The following KANK1 variants were observed in gnomAD, a reference collection of about 807,000 sequenced individuals.
The protein encoded by KANK1 is KN motif and ankyrin repeat domains 1, also known as KN motif and ankyrin repeat domain-containing protein 1.
In KANK1, 109 loss-of-function variants were observed where a neutral mutation model predicts 106.2. The ratio of observed to expected loss-of-function variants is 1.03; its 90% CI spans 0.88 to 1.20. The LOEUF is 1.20. Ranked by LOEUF, KANK1 falls within the 50% of genes most tolerant of loss-of-function variation. The pLI, the probability that KANK1 is intolerant of heterozygous loss-of-function variation, is 0.00. For synonymous variants in KANK1, 873 were observed against 652.2 expected (o/e 1.34, Z -5.16); for missense variants, 2,399 against 1,710.7 (o/e 1.40, Z -7.10).
At chr9:732,312 G>T in intron 5 of KANK1, 66 bp from the exon 6 acceptor site, 1 of 1,538,386 alleles carries the variant, frequency 6.5e-7, no homozygotes, top group East Asian at 2.3e-5. Context: ...TCCCTTCATA[G>T]AAATTTCTAT....
chr9:712,880 A>C lies in KANK1; in HGVS notation c.2114A>C (p.Lys705Thr). 1 of 1,613,950 alleles carries C rather than the reference A, an allele frequency of 6.2e-7. No individual in the cohort carries two copies. The highest frequency in any genetic ancestry group is 1.7e-5 in the Admixed American group (1 of 59,994). ...CTNTCLSTLD[K>T]QTSTQTVETR... ...AACACTTGTCTAAGCACTTTGGACAAGCAGACCAGCACCCAGACTGTGGAG... is the reference window on the plus strand; with the variant it reads ...AACACTTGTCTAAGCACTTTGGACACGCAGACCAGCACCCAGACTGTGGAG... The change falls in exon 3 of 12, where the codon AAG (lysine) becomes ACG (threonine). Residue 705 changes from lysine to threonine, a missense_variant. Physicochemically the swap from Lys to Thr is moderately conservative, Grantham distance 78. Coordinates refer to ENST00000382297, the MANE Select transcript of KANK1 (RefSeq NM_015158.5).
At chr9:505,726 G>C (rs943932300) in intron 1 of KANK1, among the ~76,000 whole-genome samples, 2 of 152,206 alleles carry the variant, frequency 1.3e-5, no homozygotes, top group Non-Finnish European at 1.5e-5. Flanking sequence ...CTCTGCGGAG[G>C]GTCAGCCCAT....
At chr9:684,555 T>A in intron 2 of KANK1, 2 of 985,448 alleles carry the variant, frequency 2.0e-6, no homozygotes, top group Non-Finnish European at 1.2e-6. Flanking sequence ...GCTCTGCTCT[T>A]CCTCAGCAGA....
At chr9:527,558 C>T (rs985411226) in intron 1 of KANK1, among the ~76,000 whole-genome samples, 3 of 151,610 alleles carry the variant, frequency 2.0e-5, no homozygotes, top group Admixed American at 6.6e-5. Flanking sequence ...ACCTCTGCCT[C>T]GCAGAGTGCT....
intron 1 of KANK1, among the ~76,000 whole-genome samples, chr9:645,891 AAAAC>A (rs1722264815): frequency 6.6e-6 from 1 of 150,978 alleles, no homozygotes; most frequent in Non-Finnish European, 1.5e-5. Context: ...CTATACAACA[AAAAC>A]AAAGCATTAG....
intron 3 of KANK1, among the ~76,000 whole-genome samples, chr9:483,745 C>T (rs1377715978): frequency 6.6e-6 from 1 of 152,172 alleles, no homozygotes; most frequent in Non-Finnish European, 1.5e-5. Flanking sequence ...TCTACTCAGA[C>T]TTTCTGACAC....
chr9:642,728 T>G (rs1838759308), intron 1 of KANK1, among the ~76,000 whole-genome samples: 1 of 150,352 alleles, frequency 6.7e-6, no homozygotes, highest in Admixed American at 6.6e-5. Flanking sequence ...AATTAATTTC[T>G]CTCTCTGTCT....
At chr9:609,611 C>G (rs934763461) in intron 1 of KANK1, among the ~76,000 whole-genome samples, 3 of 152,086 alleles carry the variant, frequency 2.0e-5, no homozygotes, top group African/African-American at 2.4e-5. Flanking sequence ...GCCTGGGTGA[C>G]AAGAGTGAGA....
intron 1 of KANK1, among the ~76,000 whole-genome samples, chr9:637,431 C>G (rs1837408313): frequency 6.6e-6 from 1 of 152,144 alleles, no homozygotes; most frequent in African/African-American, 2.4e-5. Context: ...TAGCTGATGT[C>G]ATAAGTAGTG....
chr9:606,177 AC>A (rs1829085887), intron 1 of KANK1, among the ~76,000 whole-genome samples: 1 of 139,986 alleles, frequency 7.1e-6, no homozygotes, highest in Admixed American at 7.1e-5. Context: ...ACACACACAC[AC>A]ACACCACTCA....
intron 3 of KANK1, chr9:473,352 T>G (rs184039732): frequency 3.9e-5 from 6 of 152,334 alleles, no homozygotes; most frequent in African/African-American, 7.2e-5. Context: ...TGCACACAGC[T>G]TGGAGACTAT....
intron 3 of KANK1, among the ~76,000 whole-genome samples, chr9:728,321 C>T (rs1183913113): frequency 6.6e-6 from 1 of 152,150 alleles, no homozygotes; most frequent in Non-Finnish European, 1.5e-5. Context: ...CCTCAGCCTC[C>T]CAAGTAGCTG....
intron 1 of KANK1, among the ~76,000 whole-genome samples, chr9:583,384 T>C (rs954758591): frequency 6.6e-6 from 1 of 152,180 alleles, no homozygotes; most frequent in Non-Finnish European, 1.5e-5. Context: ...AATTTTGCTT[T>C]TGTTTTTATG....
rs1056034049 is a variant in KANK1 at position 517,038 on chromosome 9, GT to G, written c.-84+12290del. On this transcript the variant is annotated intron_variant, in intron 1 of 11. Transcript: ENST00000382297. ...ACACACACACACACATCCGTCTTGT[GT>G]TTTTTGGTGGGCTCAGAGCCACGAG... Among the ~76,000 whole-genome samples, 447 of 110,770 alleles carry G rather than the reference GT, an allele frequency of 4.0e-3. 19 individuals carry two copies. Among genetic ancestry groups the G allele is most frequent in the African/African-American group, 0.021 (433 of 20,846 alleles). The allele number at this position is 110,770 out of a possible 152,430, so 72.7% of individuals were successfully genotyped here. A position where few individuals can be genotyped will look rare whatever the true frequency, so the allele number is the denominator to read the frequency against.
intron 6 of KANK1, chr9:734,217 A>T (rs1161062151): frequency 6.6e-6 from 1 of 151,894 alleles, no homozygotes; most frequent in Non-Finnish European, 1.5e-5. Context: ...TCACCCTCCC[A>T]AACAAGGCCT....
intron 1 of KANK1, among the ~76,000 whole-genome samples, chr9:632,423 A>G (rs1432552706): frequency 6.6e-6 from 1 of 152,200 alleles, no homozygotes; most frequent in Non-Finnish European, 1.5e-5. Flanking sequence ...AATGGAAAAT[A>G]TTTTAAAAAC....
intron 1 of KANK1, among the ~76,000 whole-genome samples, chr9:588,381 A>G (rs1824027701): frequency 6.6e-6 from 1 of 152,108 alleles, no homozygotes; most frequent in South Asian, 2.1e-4. Context: ...CACATCTATG[A>G]TTATTTCCTT....
At chr9:693,693 G>A in intron 2 of KANK1, 1 of 985,374 alleles carries the variant, frequency 1.0e-6, no homozygotes, top group Non-Finnish European at 1.2e-6. Context: ...CTCTTTGCCT[G>A]CTAATGTGTG....
intron 1 of KANK1, among the ~76,000 whole-genome samples, chr9:524,282 A>G (rs2059682413): frequency 6.6e-6 from 1 of 151,334 alleles, no homozygotes; most frequent in Admixed American, 6.6e-5. Context: ...TACTTGATTA[A>G]GTCGTTCTGT....
Sources: allele counts gnomAD v4.1 joint callset (sites outside exome capture counted in the v4.1 genomes callset), GRCh38; gene constraint gnomAD v4.1.1; transcripts MANE v1.5; gene names NCBI Gene and HGNC (gene_info 2026-07-23, HGNC 2026-07-21).